EVL: variants seen among roughly 807,000 people sequenced by gnomAD.
EVL encodes the protein ena/VASP-like protein.
Under a neutral mutation model 59.6 loss-of-function variants are expected in EVL, and 21 were observed. The ratio of observed to expected loss-of-function variants is 0.35; its 90% confidence interval spans 0.25 to 0.51. The LOEUF is 0.51. EVL is among the 20% of genes least tolerant of loss of function. The pLI, the probability that EVL is intolerant of heterozygous loss-of-function variation, is 0.97. For missense variants in EVL, 462 were observed against 546.6 expected, an observed-to-expected ratio of 0.85 and a Z score of 1.54; for synonymous variants, 198 against 203.5, an observed-to-expected ratio of 0.97 and a Z score of 0.23.
intron 1 of EVL, among the ~76,000 whole-genome samples, chr14:99,973,542 A>G (rs2060749488): frequency 6.6e-6 from 1 of 152,192 alleles, no homozygotes; most frequent in Non-Finnish European, 1.5e-5. Context: ...GGCTCACTGC[A>G]ACCTCTGCCT....
At chr14:99,982,915 C>G (rs1425850829) in intron 1 of EVL, among the ~76,000 whole-genome samples, 1 of 152,268 alleles carries the variant, frequency 6.6e-6, no homozygotes, top group East Asian at 1.9e-4. Context: ...CTTTATGAGC[C>G]TCCGTTTTTC....
At chr14:100,055,759 CTGTATGTG>C (rs1212255169) in intron 1 of EVL, among the ~76,000 whole-genome samples, 1 of 152,208 alleles carries the variant, frequency 6.6e-6, no homozygotes, top group Admixed American at 6.5e-5. Context: ...GTGTTTGTGT[CTGTATGTG>C]TGCATGTGCA....
intron 3 of EVL, among the ~76,000 whole-genome samples, chr14:100,101,478 C>T (rs1435539251): frequency 1.3e-5 from 2 of 151,766 alleles, no homozygotes; most frequent in Admixed American, 1.3e-4. Context: ...GAAACTCTGT[C>T]TCAAAAAAAA....
chr14:99,985,944 G>A (rs1441912809), intron 1 of EVL, among the ~76,000 whole-genome samples: 1 of 151,996 alleles, frequency 6.6e-6, no homozygotes, highest in Non-Finnish European at 1.5e-5. Flanking sequence ...ATGAAACCCT[G>A]AATACAAAAT....
At chr14:100,062,280 CAT>C (rs2061849665), upstream of EVL, among the ~76,000 whole-genome samples, 2 of 151,266 alleles carry the variant, frequency 1.3e-5, no homozygotes, top group South Asian at 2.1e-4. Flanking sequence ...TTTTGAGTAA[CAT>C]ATGACAGCTA....
At chr14:100,143,377 C>G (rs907703112) in intron 13 of EVL, among the ~76,000 whole-genome samples, 1 of 152,184 alleles carries the variant, frequency 6.6e-6, no homozygotes, top group East Asian at 1.9e-4. Flanking sequence ...CGTCCCCACA[C>G]AGCAGCTCCT....
chr14:100,002,134 C>CA (rs1165520371), intron 1 of EVL, among the ~76,000 whole-genome samples: 2 of 152,130 alleles, frequency 1.3e-5, no homozygotes, highest in African/African-American at 2.4e-5. Flanking sequence ...AAGATAACTT[C>CA]AGTCCACTAT....
chr14:100,104,476 A>G lies in EVL; in HGVS notation c.358+6818A>G, dbSNP rs374786831. The stretch of plus-strand genomic sequence containing the variant: ...AGTTATTCTCTGGGTTGTGCCTCCT[A>G]ATTGGTGAAGGTGGCCACTTGGTTT... On this transcript the variant is annotated intron_variant, in intron 3 of 13. Coordinates refer to ENST00000392920, the MANE Select transcript of EVL (RefSeq NM_016337.3). Among the ~76,000 whole-genome samples, 26 of 152,194 alleles carry G rather than the reference A, an allele frequency of 1.7e-4. No individual in the cohort carries two copies. The South Asian group carries it at 3.5e-3, about 21-fold the overall frequency.
At chr14:100,118,411 C>T (rs935307028) in intron 3 of EVL, among the ~76,000 whole-genome samples, 4 of 152,196 alleles carry the variant, frequency 2.6e-5, no homozygotes, top group Admixed American at 2.6e-4. Flanking sequence ...CTATAAAAGC[C>T]TTTTGAAAAG....
Position 100,110,320 on chromosome 14 carries a change from G to A in EVL, c.358+12662G>A, listed in dbSNP as rs540699067. On this transcript the variant is annotated intron_variant, in intron 3 of 13. Coordinates refer to ENST00000392920, the MANE Select transcript of EVL (RefSeq NM_016337.3). ...GCCCTGGAGTCTGAGGCTGCAGTGA[G>A]CCATGGTTACACCACTGCACTTCAG... 3.3e-5 allele frequency among the ~76,000 whole-genome samples: 5 copies of A among 152,056 alleles called. No homozygotes were observed. In the South Asian group the frequency reaches 8.3e-4, roughly 25 times the overall value.
chr14:100,058,581 A>AT (rs1205100170), intron 1 of EVL, among the ~76,000 whole-genome samples: 1 of 151,874 alleles, frequency 6.6e-6, no homozygotes, highest in Non-Finnish European at 1.5e-5. Context: ...TCTTTCCAAC[A>AT]TTTTCTATTG....
intron 1 of EVL, among the ~76,000 whole-genome samples, chr14:100,025,620 G>A (rs1352246439): frequency 6.6e-6 from 1 of 152,144 alleles, no homozygotes; most frequent in Non-Finnish European, 1.5e-5. Context: ...AGTGCCACAA[G>A]GATAGGTTTT....
chr14:99,998,352 G>A (rs769232258), intron 1 of EVL, among the ~76,000 whole-genome samples: 3 of 152,088 alleles, frequency 2.0e-5, no homozygotes, highest in Middle Eastern at 3.2e-3. Flanking sequence ...GTGGTGTTCC[G>A]GGTCTAAGAT....
intron 1 of EVL, among the ~76,000 whole-genome samples, chr14:100,005,666 CACA>C (rs1566967001): frequency 9.2e-5 from 14 of 151,984 alleles, no homozygotes; most frequent in African/African-American, 2.9e-4. Flanking sequence ...CACACACACA[CACA>C]CCCCTTGGAT....
At chr14:100,063,913 T>C (rs753374913), upstream of EVL, among the ~76,000 whole-genome samples, 6 of 152,210 alleles carry the variant, frequency 3.9e-5, no homozygotes, top group Admixed American at 6.5e-5. Flanking sequence ...TAGAATTAAA[T>C]TGGAAATAGG....
intron 1 of EVL, among the ~76,000 whole-genome samples, chr14:100,019,999 G>T (rs776451612): frequency 6.6e-6 from 1 of 152,188 alleles, no homozygotes; most frequent in Non-Finnish European, 1.5e-5. Context: ...AATAGCAACT[G>T]TGTGTCCAGA....
At chr14:100,115,826 A>G in intron 3 of EVL, among the ~76,000 whole-genome samples, 1 of 152,262 alleles carries the variant, frequency 6.6e-6, no homozygotes, top group East Asian at 1.9e-4. Context: ...AGCTCGTGTT[A>G]GAATGGGGAG....
At chr14:100,095,806 C>A (rs1386647420) in intron 2 of EVL, among the ~76,000 whole-genome samples, 1 of 152,208 alleles carries the variant, frequency 6.6e-6, no homozygotes, top group African/African-American at 2.4e-5. Context: ...CGGCTCACTG[C>A]AATCTCCACC....
chr14:100,081,022 G>T, intron 1 of EVL, among the ~76,000 whole-genome samples: 1 of 152,132 alleles, frequency 6.6e-6, no homozygotes, highest in East Asian at 1.9e-4. Context: ...AGTAATCCCA[G>T]CACTTCGAGA....
Sources: allele counts gnomAD v4.1 joint callset (sites outside exome capture counted in the v4.1 genomes callset), GRCh38; gene constraint gnomAD v4.1.1; transcripts MANE v1.5; gene names NCBI Gene and HGNC (gene_info 2026-07-23, HGNC 2026-07-21).